UTP14A: variants seen among roughly 807,000 people sequenced by gnomAD.
The protein encoded by UTP14A is U3 small nucleolar RNA-associated protein 14 homolog A.
UTP14A carries 5 observed loss-of-function variants against 57.2 expected under a neutral mutation model. That is an observed-to-expected ratio of 0.09 (90% CI 0.05 to 0.18). The LOEUF (loss-of-function observed/expected upper bound fraction) is 0.18. Ranked by LOEUF, UTP14A falls within the 10% of genes least tolerant of loss-of-function variation. The pLI is 1.00. For synonymous variants in UTP14A, 169 were observed against 210.9 expected (o/e 0.80, Z 1.72); for missense variants, 430 against 562.1 (o/e 0.76, Z 2.38).
At position 129,911,906 on chromosome X, in the gene UTP14A, G is replaced by C. The variant is rs762354031; in HGVS notation, c.522G>C (p.Val174=). Residue 174 remains valine, a synonymous_variant, in exon 6 of 15, where the codon GTG becomes GTC. Coordinates refer to ENST00000394422, the MANE Select transcript of UTP14A (RefSeq NM_006649.4). The part of the protein sequence containing the change: ...EEPAIAPIEH[V]LSGWKARTPL... ...CAGCCATTGCTCCCATTGAACATGT[G>C]CTCAGTGGCTGGAAGGTGAGTACAA... is the stretch of plus-strand genomic sequence containing the variant. The C allele has an allele frequency of 1.7e-6, 2 of 1,211,034 alleles. No homozygotes were observed. The highest frequency in any genetic ancestry group is 3.5e-5 in the South Asian group (2 of 56,911).
At chrX:129,928,796 G>A (rs1337023518) in intron 14 of UTP14A, among the ~76,000 whole-genome samples, 1 of 110,325 alleles carries the variant, frequency 9.1e-6, no homozygotes, top group Non-Finnish European at 1.9e-5. Flanking sequence ...AGGGAAGGAG[G>A]AGACTGAAAG....
At chrX:129,913,223 T>C (rs1929546606) in intron 6 of UTP14A, 1 of 267,198 alleles carries the variant, frequency 3.7e-6, no homozygotes, top group Middle Eastern at 5.1e-4. Context: ...CTTGCCACAA[T>C]AGCTAGAAAT....
At chrX:129,928,646 C>T (rs1335139086) in intron 14 of UTP14A, among the ~76,000 whole-genome samples, 3 of 99,273 alleles carry the variant, frequency 3.0e-5, no homozygotes, top group Non-Finnish European at 4.1e-5. Context: ...CCCAGCTACT[C>T]GGGAGGCTGA....
Position 129,925,842 on chromosome X carries a change from C to T in UTP14A, c.1750-77C>T, listed in dbSNP as rs1400280109. On this transcript the variant is annotated intron_variant, in intron 12 of 14. Coordinates refer to ENST00000394422, the MANE Select transcript of UTP14A (RefSeq NM_006649.4). ...CCCCCTAGGGGGCGCTAAAATGTCA[C>T]GACCCGAAATTCAAGCGTTCTCGCC... 6.1e-6 allele frequency: 7 copies of T among 1,148,307 alleles called. No homozygotes were observed. In the Admixed American group the frequency reaches 1.0e-4, roughly 17 times the overall value. 94.6% of individuals were successfully genotyped at this position (1,148,307 alleles called of 1,213,427 possible). A position where few individuals can be genotyped will look rare whatever the true frequency, so the allele number is the denominator to read the frequency against.
intron 12 of UTP14A, 21 bp downstream of exon 12, chrX:129,925,216 G>A: frequency 1.7e-6 from 2 of 1,192,743 alleles, no homozygotes; most frequent in African/African-American, 1.8e-5. Flanking sequence ...CCAGGGTGGT[G>A]GGCCATTGTT....
At chrX:129,920,218 C>T (rs1277549036) in intron 8 of UTP14A, among the ~76,000 whole-genome samples, 1 of 110,831 alleles carries the variant, frequency 9.0e-6, no homozygotes, top group Non-Finnish European at 1.9e-5. Flanking sequence ...TTCTACCCCT[C>T]CCTTGAGTTA....
At chrX:129,915,695 G>A (rs1490316864) in intron 6 of UTP14A, among the ~76,000 whole-genome samples, 1 of 110,726 alleles carries the variant, frequency 9.0e-6, no homozygotes, top group Non-Finnish European at 1.9e-5. Flanking sequence ...TTGGGGAAGA[G>A]CTGGTCTGTC....
In UTP14A at chrX:129,929,619, G is replaced by A. The variant is rs1055035; in HGVS notation, c.*11G>A. On this transcript the variant is annotated 3_prime_UTR_variant, in exon 15 of 15. Transcript: ENST00000394422. ...TGCTCTGTAGATTGAGTTGCTGGAG[G>A]AGTGACAGCCAGGAGCCCTGACTTC... 7.5e-6 allele frequency: 9 copies of A among 1,203,311 alleles called. No individual in the cohort carries two copies. Among genetic ancestry groups the A allele is most frequent in the African/African-American group, 1.7e-5 (1 of 57,254 alleles).
At chrX:129,921,996 T>C (rs961999692) in intron 11 of UTP14A, 1 of 124,631 alleles carries the variant, frequency 8.0e-6, no homozygotes, top group African/African-American at 3.2e-5. Context: ...TTTGAGACAT[T>C]AGGAAACATT....
At chrX:129,926,191 C>T in intron 13 of UTP14A, 49 bp from the exon 14 acceptor site, 1 of 1,208,212 alleles carries the variant, frequency 8.3e-7, no homozygotes, top group South Asian at 1.8e-5. Context: ...ACCCTTTTGA[C>T]TAAGTCCTTA....
chrX:129,908,562 A>G (rs1032017265), intron 3 of UTP14A, 108 bp from the exon 4 acceptor site: 2 of 766,910 alleles, frequency 2.6e-6, no homozygotes, highest in Non-Finnish European at 4.0e-6. Flanking sequence ...CCCTAGAAGA[A>G]ATACAAGAAA....
At chrX:129,906,761 G>T (rs1929273053) in intron 1 of UTP14A, among the ~76,000 whole-genome samples, 1 of 107,619 alleles carries the variant, frequency 9.3e-6, no homozygotes, top group South Asian at 4.1e-4. Context: ...TTTGTTTGTG[G>T]GTACCAATCT....
intron 10 of UTP14A, 22 bp downstream of exon 10, chrX:129,920,774 A>AG: frequency 3.3e-6 from 4 of 1,211,823 alleles, no homozygotes; most frequent in Non-Finnish European, 4.5e-6. Context: ...TTGGGGTGAG[A>AG]GAAGATCTGG....
chrX:129,907,160 C>A (rs190138712), intron 1 of UTP14A, among the ~76,000 whole-genome samples: 158 of 110,802 alleles, frequency 1.4e-3, no homozygotes, highest in African/African-American at 5.0e-3. Context: ...CAAAGGCATT[C>A]ACGCTGCTTT....
intron 6 of UTP14A, among the ~76,000 whole-genome samples, chrX:129,914,172 C>A (rs956182705): frequency 1.8e-5 from 2 of 111,221 alleles, no homozygotes; most frequent in Admixed American, 9.6e-5. Context: ...TAAGGAAGTG[C>A]TTAGTTCAGA....
intron 6 of UTP14A, among the ~76,000 whole-genome samples, chrX:129,912,505 GCAGGAA>G (rs1569336570): frequency 9.1e-6 from 1 of 110,371 alleles, no homozygotes; most frequent in Non-Finnish European, 1.9e-5. Context: ...TGCCCGTATA[GCAGGAA>G]CATAATAATG....
intron 11 of UTP14A, among the ~76,000 whole-genome samples, chrX:129,923,351 C>G (rs1929983201): frequency 8.9e-6 from 1 of 112,379 alleles, no homozygotes; most frequent in Admixed American, 9.4e-5. Flanking sequence ...CCTCGGCTCA[C>G]TGCAAGCTCC....
At chrX:129,928,705 G>A (rs1198069478) in intron 14 of UTP14A, among the ~76,000 whole-genome samples, 3 of 111,666 alleles carry the variant, frequency 2.7e-5, no homozygotes, top group African/African-American at 9.8e-5. Flanking sequence ...AGTGAGCGGA[G>A]ATCGTGCCAC....
intron 12 of UTP14A, 36 bp from the exon 13 acceptor site, chrX:129,925,881 CAT>C (rs1266462851): frequency 2.5e-6 from 3 of 1,196,328 alleles, no homozygotes. Context: ...AACCACAGCT[CAT>C]AAGCCAAGCT....
Sources: allele counts gnomAD v4.1 joint callset (sites outside exome capture counted in the v4.1 genomes callset), GRCh38; gene constraint gnomAD v4.1.1; transcripts MANE v1.5; gene names NCBI Gene and HGNC (gene_info 2026-07-23, HGNC 2026-07-21).